The following EDEM3 variants were observed in gnomAD, a reference collection of about 807,000 sequenced individuals.
EDEM3 encodes the protein ER degradation-enhancing alpha-mannosidase-like protein 3.
EDEM3 carries 60 observed loss-of-function variants against 110.2 expected under a neutral mutation model. The ratio of observed to expected loss-of-function variants is 0.54; its 90% CI spans 0.44 to 0.67. EDEM3 has a LOEUF of 0.67. Ranked by LOEUF, EDEM3 falls within the 30% of genes least tolerant of loss-of-function variation. The pLI, the probability that EDEM3 is intolerant of heterozygous loss-of-function variation, is 0.00. For synonymous variants in EDEM3, 352 were observed against 382.9 expected (o/e 0.92, Z 0.94); for missense variants, 996 against 1,121.0 (o/e 0.89, Z 1.59).
chr1:184,724,777 C>T (rs1651102333), intron 7 of EDEM3, among the ~76,000 whole-genome samples: 1 of 151,932 alleles, frequency 6.6e-6, no homozygotes. Flanking sequence ...AAAAGATTTC[C>T]CTAGTCTTAT....
At chr1:184,742,288 C>G (rs1652188258) in intron 2 of EDEM3, among the ~76,000 whole-genome samples, 1 of 152,130 alleles carries the variant, frequency 6.6e-6, no homozygotes, top group African/African-American at 2.4e-5. Flanking sequence ...GTAGAGGATT[C>G]TAGGCAACAC....
chr1:184,728,203 A>G (rs1403276692), intron 6 of EDEM3, among the ~76,000 whole-genome samples: 2 of 152,216 alleles, frequency 1.3e-5, no homozygotes, highest in African/African-American at 4.8e-5. Context: ...AGATATATAA[A>G]TAGAGAAAAT....
At chr1:184,751,895 G>A (rs1652788347) in intron 1 of EDEM3, among the ~76,000 whole-genome samples, 1 of 152,036 alleles carries the variant, frequency 6.6e-6, no homozygotes, top group Non-Finnish European at 1.5e-5. Context: ...CTGGGATTAA[G>A]GGCATGCGCC....
At position 184,706,765 on chromosome 1, in the gene EDEM3, G is replaced by C. The variant is rs781321674; in HGVS notation, c.2081C>G (p.Ser694Ter). 6.2e-7 allele frequency: 1 copy of C among 1,613,868 alleles called. No homozygotes were observed. The highest frequency in any genetic ancestry group is 8.5e-7 in the Non-Finnish European group (1 of 1,179,882). ...VASSKPSNGCSELTNPEAVMG... is the reference protein window; with the variant it reads ...VASSKPSNGC ...CACTGCCTCTGGGTTAGTAAGCTCT[G>C]AACAACCATTGGATGGTTTACTGCT... The change falls in exon 18 of 20, where the codon TCA becomes TGA. Residue 694 changes from serine (S) to a stop codon, truncating the protein, a stop_gained. Coordinates refer to ENST00000318130, the MANE Select transcript of EDEM3 (RefSeq NM_025191.4). LOFTEE classifies it high-confidence loss of function.
Position 184,732,323 on chromosome 1 carries a change from G to T in EDEM3, c.612+514C>A, listed in dbSNP as rs538982332. On this transcript the variant is annotated intron_variant, in intron 6 of 19. Coordinates refer to ENST00000318130, the MANE Select transcript of EDEM3 (RefSeq NM_025191.4). Reference sequence around the variant, plus strand: ...TATCAGAGGCTGGGAAGGGTAGGTGGTGGGGATGGGGAATAGGGAGGGGAT... The same window carrying T: ...TATCAGAGGCTGGGAAGGGTAGGTGTTGGGGATGGGGAATAGGGAGGGGAT... Among the ~76,000 whole-genome samples, 131 of 152,276 alleles carry T rather than the reference G, an allele frequency of 8.6e-4. 6 individuals carry two copies. The South Asian group carries it at 0.027, about 31-fold the overall frequency.
At chr1:184,741,399 CA>C (rs905242245) in intron 2 of EDEM3, among the ~76,000 whole-genome samples, 4 of 145,492 alleles carry the variant, frequency 2.7e-5, no homozygotes, top group Admixed American at 6.9e-5. Flanking sequence ...GACTCCGTCT[CA>C]AAAAAAAATA....
chr1:184,751,725 C>T (rs1652778517), intron 1 of EDEM3, among the ~76,000 whole-genome samples: 2 of 152,170 alleles, frequency 1.3e-5, no homozygotes, highest in South Asian at 4.1e-4. Context: ...TCAAAAATTA[C>T]ACCACTCTTC....
chr1:184,706,150 T>C (rs932361829), intron 18 of EDEM3, among the ~76,000 whole-genome samples: 2 of 150,040 alleles, frequency 1.3e-5, no homozygotes, highest in Non-Finnish European at 2.9e-5. Flanking sequence ...AAAAAAAAAT[T>C]ATACTATTTA....
In EDEM3 at chr1:184,719,617, ACTACT is replaced by A. The variant is rs368463386; in HGVS notation, c.952-54_952-50del. ...ATGAAAGTTAGATGAAAAAAGAGGTACTACTCTAAACACATTAAATAGCACTGTGA... is the reference window on the plus strand; with the variant it reads ...ATGAAAGTTAGATGAAAAAAGAGGTACTAAACACATTAAATAGCACTGTGA... On this transcript the variant is annotated intron_variant, in intron 9 of 19. Transcript: ENST00000318130. 541 of 1,580,780 alleles carry A rather than the reference ACTACT, an allele frequency of 3.4e-4. 5 individuals are homozygous for A. The East Asian group carries it at 8.5e-3, about 25-fold the overall frequency.
intron 19 of EDEM3, among the ~76,000 whole-genome samples, chr1:184,694,829 C>T (rs2102051267): frequency 6.6e-6 from 1 of 151,842 alleles, no homozygotes; most frequent in South Asian, 2.1e-4. Context: ...GTATTAGATA[C>T]CTAAAGCTTA....
intron 18 of EDEM3, among the ~76,000 whole-genome samples, chr1:184,705,834 T>C (rs1159056561): frequency 1.3e-5 from 2 of 152,118 alleles, no homozygotes; most frequent in African/African-American, 4.8e-5. Context: ...GAAAAATTTA[T>C]ATTTCCCCTA....
At chr1:184,733,781 T>C (rs1047088964) in intron 5 of EDEM3, among the ~76,000 whole-genome samples, 5 of 147,930 alleles carry the variant, frequency 3.4e-5, no homozygotes, top group Non-Finnish European at 4.4e-5. Flanking sequence ...TGAGCCAAGA[T>C]CGCACCACTG....
rs115831621 is a variant in EDEM3, at chr1:184,723,251, C to T, written c.853+500G>A. Among the ~76,000 whole-genome samples, 943 of 151,996 alleles carry T rather than the reference C, an allele frequency of 6.2e-3. 11 individuals carry two copies. Among genetic ancestry groups the T allele is most frequent in the Middle Eastern group, 0.027 (8 of 294 alleles). On this transcript the variant is annotated intron_variant, in intron 8 of 19. Coordinates refer to ENST00000318130, the MANE Select transcript of EDEM3 (RefSeq NM_025191.4). ...TTGGTTAACTCATTTAATCCTCATA[C>T]AGAACAACTAATTACTATTAATATG...
chr1:184,716,978 T>C lies in EDEM3; in HGVS notation c.1280A>G (p.Lys427Arg). ...TGDPYYLEVG[K>R]TLIENLNKYA... ...TTTATTTAAATTTTCAATAAGTGTC[T>C]TCCCTACTTCAAGGTAGTAAGGATC... Residue 427 changes from lysine (K) to arginine (R), a missense_variant, in exon 13 of 20, where the codon AAG becomes AGG. Around this residue, in one of 5 missense-constraint regions of EDEM3, gnomAD observed 310 missense variants for 394.6 expected, o/e 0.79. Transcript: ENST00000318130. The C allele has an allele frequency of 1.2e-6, 2 of 1,612,692 alleles. No individual in the cohort carries two copies. Among genetic ancestry groups the C allele is most frequent in the Non-Finnish European group, 1.7e-6 (2 of 1,178,866 alleles).
At position 184,691,606 on chromosome 1, in the gene EDEM3, T is replaced by C. The variant is rs1412374890; in HGVS notation, c.*2457A>G. On this transcript the variant is annotated 3_prime_UTR_variant, in exon 20 of 20. Transcript: ENST00000318130. Reference sequence around the variant, plus strand: ...TACTAAAATGTCTATAAAAGTTAACTAAAAAACAAAACACTAAAAAAAAAA... The same window carrying C: ...TACTAAAATGTCTATAAAAGTTAACCAAAAAACAAAACACTAAAAAAAAAA... The C allele has an allele frequency of 6.8e-6, 1 of 147,286 alleles. No individual in the cohort carries two copies. The highest frequency in any genetic ancestry group is 1.5e-5 in the Non-Finnish European group (1 of 66,706). 9.1% of individuals were successfully genotyped at this position (147,286 alleles called of 1,614,324 possible).
In EDEM3 at chr1:184,719,206, C is replaced by T. The variant is rs143613854; in HGVS notation, c.1117G>A (p.Glu373Lys). Residue 373 changes from glutamate (E) to lysine (K), a missense_variant, in exon 11 of 20, where the codon GAA becomes AAA. Glu to Lys is a moderately conservative substitution (Grantham distance 56). This residue lies in a region of EDEM3 where 310 missense variants were observed against 394.6 expected (regional missense o/e 0.79). Transcript: ENST00000318130. ...GDIRPAIETHEMLYQVIKKHN... is the reference protein window; with the variant it reads ...GDIRPAIETHKMLYQVIKKHN... Reference sequence around the variant, plus strand: ...TTTTTAATCACCTGATATAACATTTCATGAGTTTCAATAGCAGGTCTAATA... The same window carrying T: ...TTTTTAATCACCTGATATAACATTTTATGAGTTTCAATAGCAGGTCTAATA... 6.4e-7 allele frequency: 1 copy of T among 1,574,206 alleles called. No individual in the cohort carries two copies. The highest frequency in any genetic ancestry group is 8.6e-7 in the Non-Finnish European group (1 of 1,164,564).
At chr1:184,753,622 G>C (rs938343580) in intron 1 of EDEM3, among the ~76,000 whole-genome samples, 1 of 151,852 alleles carries the variant, frequency 6.6e-6, no homozygotes, top group Non-Finnish European at 1.5e-5. Context: ...TAACTAACCA[G>C]AACCGTATCC....
chr1:184,733,232 T>C (rs149041354), intron 5 of EDEM3, among the ~76,000 whole-genome samples: 9 of 152,206 alleles, frequency 5.9e-5, no homozygotes, highest in African/African-American at 2.2e-4. Flanking sequence ...CTTAAATAGC[T>C]TTAATTTTCT....
chr1:184,691,722 T>C lies in EDEM3; in HGVS notation c.*2341A>G, dbSNP rs1259562546. On this transcript the variant is annotated 3_prime_UTR_variant, in exon 20 of 20. Coordinates refer to ENST00000318130, the MANE Select transcript of EDEM3 (RefSeq NM_025191.4). ...AAGTAAATGAATGTAGAGTTGTAATTACAACGTTGGAGTTTTTTAGACGAA... is the reference window on the plus strand; with the variant it reads ...AAGTAAATGAATGTAGAGTTGTAATCACAACGTTGGAGTTTTTTAGACGAA... The C allele has an allele frequency of 1.3e-5, 2 of 152,198 alleles. No individual in the cohort carries two copies. Among genetic ancestry groups the C allele is most frequent in the East Asian group, 3.8e-4 (2 of 5,200 alleles). 9.4% of individuals were successfully genotyped at this position (152,198 alleles called of 1,614,324 possible). A position where few individuals can be genotyped will look rare whatever the true frequency, so the allele number is the denominator to read the frequency against.
Sources: gnomAD v4.1 joint callset for allele counts (sites outside exome capture counted in the v4.1 genomes callset) on GRCh38, gnomAD v4.1.1 for gene constraint, gnomAD v4.1.1 regional missense constraint, MANE v1.5 for transcripts, NCBI Gene and HGNC (gene_info 2026-07-23, HGNC 2026-07-21) for gene names.